Variants in GLG1 observed in about 807,000 individuals in gnomAD.
GLG1 encodes golgi glycoprotein 1, also known as Golgi apparatus protein 1.
Under a neutral mutation model 160.5 loss-of-function variants are expected in GLG1, and 38 were observed. The ratio of observed to expected loss-of-function variants is 0.24; its 90% confidence interval spans 0.18 to 0.31. GLG1 has a LOEUF of 0.31. GLG1 is among the 10% of genes least tolerant of loss of function. The probability of loss-of-function intolerance (pLI) is 1.00; values close to 1 mark genes in which losing one functional copy is unlikely to be tolerated. For synonymous variants in GLG1, 644 were observed against 543.4 expected, an observed-to-expected ratio of 1.19 and a Z score of -2.57; for missense variants, 1,373 against 1,505.2, an observed-to-expected ratio of 0.91 and a Z score of 1.45.
chr16:74,527,547 G>A (rs2017379554), intron 2 of GLG1, among the ~76,000 whole-genome samples: 1 of 151,894 alleles, frequency 6.6e-6, no homozygotes, highest in South Asian at 2.1e-4. Flanking sequence ...ACCACGCCTG[G>A]CCAAGTCAGT....
At chr16:74,576,475 C>A in intron 1 of GLG1, among the ~76,000 whole-genome samples, 1 of 152,104 alleles carries the variant, frequency 6.6e-6, no homozygotes, top group East Asian at 1.9e-4. Context: ...AAGAGGCATA[C>A]CATACTTATT....
intron 18 of GLG1, among the ~76,000 whole-genome samples, chr16:74,466,277 C>A (rs2014997744): frequency 6.6e-6 from 1 of 152,156 alleles, no homozygotes; most frequent in Non-Finnish European, 1.5e-5. Flanking sequence ...TTCACAGCTA[C>A]ACAGGGCAAA....
intron 1 of GLG1, among the ~76,000 whole-genome samples, chr16:74,605,546 G>C (rs1365300677): frequency 6.6e-6 from 1 of 152,140 alleles, no homozygotes; most frequent in East Asian, 1.9e-4. Flanking sequence ...AGTCAGGTAA[G>C]GCCTCACATT....
In GLG1 at chr16:74,451,026, C is replaced by G. The variant is rs1427517934; in HGVS notation, c.*2141G>C. The G allele has an allele frequency of 6.6e-6, 1 of 152,254 alleles. No homozygotes were observed. Among genetic ancestry groups the G allele is most frequent in the Non-Finnish European group, 1.5e-5 (1 of 68,084 alleles). 9.4% of individuals were successfully genotyped at this position (152,254 alleles called of 1,614,324 possible). A position where few individuals can be genotyped will look rare whatever the true frequency, so the allele number is the denominator to read the frequency against. On this transcript the variant is annotated 3_prime_UTR_variant, in exon 26 of 26. Coordinates refer to ENST00000422840, the MANE Select transcript of GLG1 (RefSeq NM_001145667.2). ...GACTGCAGAGAGGAAGGATACCCCA[C>G]CCGGTCAAACAGTGAACATCCATCC...
In GLG1 at chr16:74,493,145, G is replaced by C; in HGVS notation, c.1051-5C>G. ...GGTTGTAAGTGCTTCTCGACACTGA[G>C]GAAAGAGTACAGCAACAGCCGTGAG... On this transcript the variant is annotated splice_polypyrimidine_tract_variant and splice_region_variant and intron_variant, in intron 6 of 25. Coordinates refer to ENST00000422840, the MANE Select transcript of GLG1 (RefSeq NM_001145667.2). 6 of 1,604,662 alleles carry C rather than the reference G, an allele frequency of 3.7e-6. No homozygotes were observed. The highest frequency in any genetic ancestry group is 5.1e-6 in the Non-Finnish European group (6 of 1,174,072).
chr16:74,453,495 T>C (rs971514992), intron 25 of GLG1, among the ~76,000 whole-genome samples, 161 bp from the exon 26 acceptor site: 2 of 152,176 alleles, frequency 1.3e-5, no homozygotes, highest in African/African-American at 4.8e-5. Flanking sequence ...ACAACTCTTT[T>C]TCCTGATCAT....
At chr16:74,595,996 G>A (rs1196606389) in intron 1 of GLG1, among the ~76,000 whole-genome samples, 1 of 151,968 alleles carries the variant, frequency 6.6e-6, no homozygotes, top group Non-Finnish European at 1.5e-5. Context: ...GGTGCCACAT[G>A]CCCATAGTCG....
chr16:74,560,616 A>C (rs2018485203), intron 1 of GLG1, among the ~76,000 whole-genome samples: 1 of 152,232 alleles, frequency 6.6e-6, no homozygotes, highest in African/African-American at 2.4e-5. Context: ...CTGGGATTAC[A>C]GGCATGAGCC....
intron 1 of GLG1, among the ~76,000 whole-genome samples, chr16:74,593,324 C>T (rs1160277443): frequency 6.6e-6 from 1 of 151,874 alleles, no homozygotes; most frequent in East Asian, 1.9e-4. Context: ...CTATTTATCA[C>T]ATTACAGAGC....
In GLG1 at chr16:74,607,053, C is replaced by G. The variant is rs1200157246; in HGVS notation, c.42G>C (p.Ser14=). Residue 14 remains serine, a synonymous_variant, in exon 1 of 26, where the codon TCG becomes TCC. Transcript: ENST00000422840. ...CGRVRRMFRL[S]AALHLLLLFA... ...ATAGCAGCAGCAGATGCAGCGCCGCCGACAAGCGGAACATCCTCCGTACAC... is the reference window on the plus strand; with the variant it reads ...ATAGCAGCAGCAGATGCAGCGCCGCGGACAAGCGGAACATCCTCCGTACAC... 2.5e-6 allele frequency: 4 copies of G among 1,588,282 alleles called. No individual in the cohort carries two copies. The highest frequency in any genetic ancestry group is 2.3e-5 in the South Asian group (2 of 88,390).
chr16:74,529,005 T>G (rs1465565828), intron 2 of GLG1, among the ~76,000 whole-genome samples: 1 of 151,146 alleles, frequency 6.6e-6, no homozygotes, highest in African/African-American at 2.4e-5. Context: ...CTCGCTCTGT[T>G]GCCCAGGCTG....
chr16:74,484,499 A>T (rs1277042813), intron 9 of GLG1, among the ~76,000 whole-genome samples: 1 of 151,592 alleles, frequency 6.6e-6, no homozygotes, highest in Non-Finnish European at 1.5e-5. Flanking sequence ...GTGGTGGCTC[A>T]CACCTGTAAT....
chr16:74,477,977 A>AAAACAAATAAATAAATAAAT lies in GLG1; in HGVS notation c.1828-445_1828-444insATTTATTTATTTATTTGTTT, dbSNP rs55773213. Among the ~76,000 whole-genome samples, 699 of 140,190 alleles carry AAAACAAATAAATAAATAAAT rather than the reference A, an allele frequency of 5.0e-3. 8 individuals carry two copies. Among genetic ancestry groups the AAAACAAATAAATAAATAAAT allele is most frequent in the Non-Finnish European group, 5.3e-3 (347 of 65,296 alleles). 92.0% of individuals were successfully genotyped at this position (140,190 alleles called of 152,430 possible). On this transcript the variant is annotated intron_variant, in intron 11 of 25. Transcript: ENST00000422840. ...AACAAGAGCGAAACTCCGTCTCAAAAAAATAAATAAATAAATAAATAAATA... is the reference window on the plus strand; with the variant it reads ...AACAAGAGCGAAACTCCGTCTCAAAAAAACAAATAAATAAATAAATAAATAAATAAATAAATAAATAAATA...
intron 1 of GLG1, among the ~76,000 whole-genome samples, chr16:74,571,700 C>T (rs1004511919): frequency 6.6e-6 from 1 of 151,972 alleles, no homozygotes; most frequent in Non-Finnish European, 1.5e-5. Flanking sequence ...TGGTGCACGC[C>T]TGTGGTCCCA....
At chr16:74,591,940 C>T (rs1243427640) in intron 1 of GLG1, among the ~76,000 whole-genome samples, 1 of 152,098 alleles carries the variant, frequency 6.6e-6, no homozygotes, top group Non-Finnish European at 1.5e-5. Context: ...CCAAATTTGG[C>T]AGAACATAAT....
At chr16:74,479,050 CCAAA>C (rs1460943975) in intron 11 of GLG1, among the ~76,000 whole-genome samples, 1 of 4,034 alleles carries the variant, frequency 2.5e-4, no homozygotes, top group Admixed American at 5.9e-3. Flanking sequence ...TATTAAAAAT[CCAAA>C]AAAAAAAAAA....
chr16:74,507,893 T>C (rs1247686456), intron 3 of GLG1, among the ~76,000 whole-genome samples: 5 of 152,188 alleles, frequency 3.3e-5, no homozygotes, highest in Non-Finnish European at 7.3e-5. Flanking sequence ...TTTAGTCCTA[T>C]AGCTAGCTAA....
chr16:74,465,601 G>C, intron 19 of GLG1, 75 bp downstream of exon 19: 1 of 1,453,678 alleles, frequency 6.9e-7, no homozygotes, highest in Non-Finnish European at 9.6e-7. Context: ...CTGAGCCTGA[G>C]GAAGTTGCTG....
chr16:74,455,338 GA>G (rs1326629428), intron 25 of GLG1, among the ~76,000 whole-genome samples: 1 of 152,144 alleles, frequency 6.6e-6, no homozygotes, highest in Non-Finnish European at 1.5e-5. Flanking sequence ...AGGGAGGCGT[GA>G]GATGAATGAG....
Sources: allele counts gnomAD v4.1 joint callset (sites outside exome capture counted in the v4.1 genomes callset), GRCh38; gene constraint gnomAD v4.1.1; transcripts MANE v1.5; gene names NCBI Gene and HGNC (gene_info 2026-07-23, HGNC 2026-07-21).